The following LPP variants were observed in gnomAD, a reference collection of about 807,000 sequenced individuals.
The protein encoded by LPP is LIM domain containing preferred translocation partner in lipoma.
Under a neutral mutation model 60.4 loss-of-function variants are expected in LPP, and 38 were observed. That is an observed-to-expected ratio of 0.63 (90% CI 0.49 to 0.83). LPP has a LOEUF of 0.83. LPP is among the 40% of genes least tolerant of loss of function. The probability of loss-of-function intolerance (pLI) is 0.00; values close to 1 mark genes in which losing one functional copy is unlikely to be tolerated. For missense variants in LPP, 902 were observed against 783.6 expected (o/e 1.15, Z -1.80); for synonymous variants, 328 against 290.8 (o/e 1.13, Z -1.30).
intron 3 of LPP, among the ~76,000 whole-genome samples, chr3:188,376,062 C>G (rs1037762892): frequency 3.3e-5 from 5 of 152,138 alleles, no homozygotes; most frequent in Non-Finnish European, 2.9e-5. Flanking sequence ...GCACTGTGGT[C>G]TGAGAGACAG....
Position 188,609,474 on chromosome 3 carries a change from C to T in LPP, c.743C>T (p.Pro248Leu). 1 of 1,614,150 alleles carries T rather than the reference C, an allele frequency of 6.2e-7. No individual in the cohort carries two copies. Among genetic ancestry groups the T allele is most frequent in the South Asian group, 1.1e-5 (1 of 91,082 alleles). The change falls in exon 7 of 12, where the codon CCC becomes CTC. Residue 248 changes from proline to leucine, a missense_variant. Transcript: ENST00000617246. The surrounding 1 kb of genome is among the most constrained non-coding windows in gnomAD (Gnocchi z 6.9). ...TCAGGACAAATTTATGGCTCAGGGCCCCAGGGCTATAACACTCAGCCAGTT... is the reference window on the plus strand; with the variant it reads ...TCAGGACAAATTTATGGCTCAGGGCTCCAGGGCTATAACACTCAGCCAGTT... ...PSSGQIYGSGPQGYNTQPVPV... is the reference protein window; with the variant it reads ...PSSGQIYGSGLQGYNTQPVPV...
intron 9 of LPP, among the ~76,000 whole-genome samples, chr3:188,794,933 C>G (rs965927766): frequency 6.6e-6 from 1 of 152,122 alleles, no homozygotes; most frequent in African/African-American, 2.4e-5. Context: ...GTCAGGAGAT[C>G]AAGACCAACC....
rs750488243 is a variant in LPP at position 188,757,889 on chromosome 3, G to GTTTTTTTTTTTTTTTTTTTTTTTT, written c.1241-2204_1241-2203insTTTTTTTTTTTTTTTTTTTTTTTT. On this transcript the variant is annotated intron_variant, in intron 8 of 11. Transcript: ENST00000617246. ...TTTTTTTTGTGGTTTTGTTTTTTTG[G>GTTTTTTTTTTTTTTTTTTTTTTTT]TTTTTTTTTTTTTTTTTTTTCAGAA... 8.0e-4 allele frequency among the ~76,000 whole-genome samples: 63 copies of GTTTTTTTTTTTTTTTTTTTTTTTT among 78,698 alleles called. 4 individuals carry two copies. The highest frequency in any genetic ancestry group is 1.2e-3 in the Non-Finnish European group (50 of 43,030). The allele number at this position is 78,698 out of a possible 152,430, so 51.6% of individuals were successfully genotyped here.
At chr3:188,262,618 A>ATC (rs746540948) in intron 2 of LPP, among the ~76,000 whole-genome samples, 3 of 149,286 alleles carry the variant, frequency 2.0e-5, no homozygotes, top group Non-Finnish European at 4.5e-5. Flanking sequence ...ACACCCCCTC[A>ATC]TCTCTCTCTC....
intron 2 of LPP, among the ~76,000 whole-genome samples, chr3:188,302,169 C>G (rs1008195060): frequency 2.0e-5 from 3 of 152,126 alleles, no homozygotes; most frequent in East Asian, 1.9e-4. Context: ...TGCATTTACT[C>G]TCTCGTTTAA....
At chr3:188,368,802 T>C (rs952768123) in intron 3 of LPP, among the ~76,000 whole-genome samples, 1 of 151,910 alleles carries the variant, frequency 6.6e-6, no homozygotes, top group African/African-American at 2.4e-5. Flanking sequence ...GAAGACCCTC[T>C]ATAGGACCTC....
At chr3:188,314,412 TA>T (rs1754434100) in intron 2 of LPP, among the ~76,000 whole-genome samples, 1 of 152,162 alleles carries the variant, frequency 6.6e-6, no homozygotes, top group East Asian at 1.9e-4. Context: ...TTTTGTCCTG[TA>T]AATTTGCTGT....
intron 9 of LPP, among the ~76,000 whole-genome samples, chr3:188,760,967 T>G (rs1455072277): frequency 6.6e-6 from 1 of 152,238 alleles, no homozygotes; most frequent in Non-Finnish European, 1.5e-5. Flanking sequence ...ACCTTAGCGT[T>G]TTACAATGCT....
intron 4 of LPP, among the ~76,000 whole-genome samples, chr3:188,467,741 T>C (rs1800834754): frequency 6.6e-6 from 1 of 152,040 alleles, no homozygotes; most frequent in African/African-American, 2.4e-5. Context: ...GCTTTGAAGA[T>C]GGAGGAAGGG....
At chr3:188,533,962 T>C (rs1174489185) in intron 6 of LPP, among the ~76,000 whole-genome samples, 1 of 152,246 alleles carries the variant, frequency 6.6e-6, no homozygotes, top group Admixed American at 6.5e-5. Context: ...AACGTTAGCT[T>C]TAAATAAATT....
chr3:188,398,535 G>T (rs1416710756), intron 3 of LPP, among the ~76,000 whole-genome samples: 1 of 152,252 alleles, frequency 6.6e-6, no homozygotes, highest in Non-Finnish European at 1.5e-5. Flanking sequence ...CTGGGCCAAA[G>T]CTGTCTGTAA....
rs533710538 is a variant in LPP at position 188,332,436 on chromosome 3, CA to C, written c.-66-9224del. On this transcript the variant is annotated intron_variant, in intron 2 of 11. Transcript: ENST00000617246. ...AAAAGTTCAATTAATTTCAATTTCA[CA>C]AACACTTACTAATCCCATCTTATAT... Among the ~76,000 whole-genome samples the C allele has an allele frequency of 3.3e-3, 510 of 152,288 alleles. 1 individual carries two copies. The highest frequency in any genetic ancestry group is 6.4e-3 in the Non-Finnish European group (433 of 68,016).
At chr3:188,748,358 C>T (rs1192979482) in intron 8 of LPP, among the ~76,000 whole-genome samples, 1 of 152,030 alleles carries the variant, frequency 6.6e-6, no homozygotes, top group Non-Finnish European at 1.5e-5. Context: ...TTCTCTTCCA[C>T]CTATGGCTCA....
chr3:188,239,732 T>A (rs959236894), intron 2 of LPP: 2 of 217,836 alleles, frequency 9.2e-6, no homozygotes, highest in South Asian at 1.8e-4. Flanking sequence ...AATAAACAAA[T>A]AAACAAGCAC....
chr3:188,312,027 A>G (rs1300385985), intron 2 of LPP, among the ~76,000 whole-genome samples: 1 of 152,234 alleles, frequency 6.6e-6, no homozygotes, highest in African/African-American at 2.4e-5. Flanking sequence ...ATTCAAAACT[A>G]TGCAATGACA....
intron 9 of LPP, among the ~76,000 whole-genome samples, chr3:188,797,037 T>C (rs1231749856): frequency 6.6e-6 from 1 of 152,154 alleles, no homozygotes; most frequent in Non-Finnish European, 1.5e-5. Flanking sequence ...GACTCTGCCC[T>C]GACAACAAAT....
chr3:188,602,379 T>C (rs1841537422), intron 6 of LPP, among the ~76,000 whole-genome samples: 2 of 151,116 alleles, frequency 1.3e-5, no homozygotes, highest in African/African-American at 4.9e-5. Context: ...AAAATGATGA[T>C]GTAATTTTTG....
At chr3:188,529,763 G>A (rs1314152129) in intron 6 of LPP, among the ~76,000 whole-genome samples, 1 of 152,172 alleles carries the variant, frequency 6.6e-6, no homozygotes, top group Non-Finnish European at 1.5e-5. Flanking sequence ...TCAGTCATTG[G>A]AGATTTAAAG....
intron 6 of LPP, among the ~76,000 whole-genome samples, chr3:188,566,478 C>T (rs1028073453): frequency 4.0e-5 from 6 of 151,838 alleles, no homozygotes; most frequent in African/African-American, 1.4e-4. Flanking sequence ...TGTATCTTAA[C>T]TGTGATCAGC....
Sources: gnomAD v4.1 joint callset for allele counts (sites outside exome capture counted in the v4.1 genomes callset) on GRCh38, gnomAD v4.1.1 for gene constraint, Gnocchi (gnomAD v3.1) non-coding constraint, MANE v1.5 for transcripts, NCBI Gene and HGNC (gene_info 2026-07-23, HGNC 2026-07-21) for gene names.